The following STAB2 variants were observed in gnomAD, a reference collection of about 807,000 sequenced individuals.
The protein encoded by STAB2 is stabilin-2.
A neutral mutation model predicts 338.1 loss-of-function variants in STAB2; 288 were observed. The observed-to-expected ratio is 0.85, with a 90% confidence interval of 0.77 to 0.94. The LOEUF (loss-of-function observed/expected upper bound fraction) is 0.94. STAB2 is among the 40% of genes least tolerant of loss of function. The pLI, the probability that STAB2 is intolerant of heterozygous loss-of-function variation, is 0.00. For synonymous variants in STAB2, 1,202 were observed against 1,193.3 expected (o/e 1.01, Z -0.15); for missense variants, 3,141 against 3,210.1 (o/e 0.98, Z 0.52).
rs569505089 is a variant in STAB2 at position 103,676,100 on chromosome 12, C to T, written c.2646+79C>T. ...TTTTTGAGACAGAGTCTCGCTCTGTCGCCCAGGCTGGAGTGCAATGGCACA... is the reference window on the plus strand; with the variant it reads ...TTTTTGAGACAGAGTCTCGCTCTGTTGCCCAGGCTGGAGTGCAATGGCACA... On this transcript the variant is annotated intron_variant, in intron 24 of 68. Coordinates refer to ENST00000388887, the MANE Select transcript of STAB2 (RefSeq NM_017564.10). 1.7e-3 allele frequency: 1,766 copies of T among 1,039,226 alleles called. 2 individuals carry two copies. Among genetic ancestry groups the T allele is most frequent in the Non-Finnish European group, 2.1e-3 (1,643 of 769,994 alleles). 64.4% of individuals were successfully genotyped at this position (1,039,226 alleles called of 1,614,324 possible). A position where few individuals can be genotyped will look rare whatever the true frequency, so the allele number is the denominator to read the frequency against.
At chr12:103,735,979 G>C (rs1222352146) in intron 52 of STAB2, among the ~76,000 whole-genome samples, 1 of 152,130 alleles carries the variant, frequency 6.6e-6, no homozygotes, top group Non-Finnish European at 1.5e-5. Flanking sequence ...GTCAGGGCCA[G>C]CTCTGGGCTA....
chr12:103,748,088 T>C lies in STAB2; in HGVS notation c.6245-875T>C, dbSNP rs116797942. On this transcript the variant is annotated intron_variant, in intron 58 of 68. Transcript: ENST00000388887. ...AGTCTCAGCCACATGTACTTTCTAA[T>C]ATTTTTCATGGATAAATATTCACAG... Among the ~76,000 whole-genome samples, 1,417 of 152,112 alleles carry C rather than the reference T, an allele frequency of 9.3e-3. 21 individuals are homozygous for C. Among genetic ancestry groups the C allele is most frequent in the African/African-American group, 0.033 (1,354 of 41,474 alleles).
intron 25 of STAB2, among the ~76,000 whole-genome samples, chr12:103,681,831 G>A (rs375484805): frequency 6.6e-6 from 1 of 151,766 alleles, no homozygotes; most frequent in African/African-American, 2.4e-5. Context: ...TGCATTGGCA[G>A]GATGGTCTCG....
Position 103,692,810 on chromosome 12 carries a change from A to G in STAB2, c.3298-2A>G. 6.2e-7 allele frequency: 1 copy of G among 1,613,052 alleles called. No individual in the cohort carries two copies. The highest frequency in any genetic ancestry group is 8.5e-7 in the Non-Finnish European group (1 of 1,179,260). On this transcript the variant is annotated splice_acceptor_variant, in intron 30 of 68. Transcript: ENST00000388887. LOFTEE classifies it high-confidence loss of function. ...TCTTCCCACTGTGGTTTGCATTTAC[A>G]GAATATCACAATTGAAGGGGCCTCC...
intron 65 of STAB2, among the ~76,000 whole-genome samples, chr12:103,759,631 G>C (rs1416487057): frequency 1.3e-5 from 2 of 152,018 alleles, no homozygotes; most frequent in African/African-American, 4.8e-5. Flanking sequence ...CTAACTGTAA[G>C]GACTTAAACA....
chr12:103,711,012 AAT>A (rs1286844500), intron 39 of STAB2, among the ~76,000 whole-genome samples: 2 of 152,092 alleles, frequency 1.3e-5, no homozygotes, highest in Non-Finnish European at 2.9e-5. Flanking sequence ...CATGCAAAAA[AAT>A]CTTTTATAAT....
At chr12:103,667,653 C>A (rs1875275418) in intron 19 of STAB2, among the ~76,000 whole-genome samples, 1 of 152,120 alleles carries the variant, frequency 6.6e-6, no homozygotes, top group Non-Finnish European at 1.5e-5. Context: ...CCTGAGATTC[C>A]CAAAAGGACT....
At chr12:103,666,418 C>G in intron 19 of STAB2, 65 bp downstream of exon 19, 1 of 1,511,780 alleles carries the variant, frequency 6.6e-7, no homozygotes, top group Non-Finnish European at 9.2e-7. Flanking sequence ...GGTTTCTCAA[C>G]CTATCTACCT....
chr12:103,737,533 C>T, intron 52 of STAB2, 101 bp from the exon 53 acceptor site: 1 of 1,334,804 alleles, frequency 7.5e-7, no homozygotes. Context: ...GGCCATGTTA[C>T]ATGGCTGGGA....
In STAB2 at chr12:103,590,979, C is replaced by T. The variant is rs201489210; in HGVS notation, c.164C>T (p.Pro55Leu). ...SCALNLGVKC[P>L]DGYTMITSGS... ...GCTCTCAACCTTGGAGTCAAGTGCC[C>T]GGATGGTTACACCATGATTACCAGT... is the stretch of plus-strand genomic sequence containing the variant. Residue 55 changes from proline (P) to leucine (L), a missense_variant, in exon 2 of 69, where the codon CCG becomes CTG. By Grantham distance (98) the Pro-to-Leu change is moderately conservative (BLOSUM62 -3). Transcript: ENST00000388887. 113 of 1,613,854 alleles carry T rather than the reference C, an allele frequency of 7.0e-5. No individual in the cohort carries two copies. The South Asian group carries it at 9.8e-4, about 14-fold the overall frequency.
Position 103,728,858 on chromosome 12 carries a change from T to C in STAB2, c.4945T>C (p.Trp1649Arg), listed in dbSNP as rs1211431110. The C allele has an allele frequency of 6.2e-7, 1 of 1,613,886 alleles. No homozygotes were observed. The highest frequency in any genetic ancestry group is 2.2e-5 in the East Asian group (1 of 44,904). ...TGATCTTCTGTTACAGGTTAAAGAC[T>C]GGGACAAATACGGTTTAATGCCCCA... is the stretch of plus-strand genomic sequence containing the variant. ...AFDEEARVKD[W>R]DKYGLMPQVL... Residue 1649 changes from tryptophan (W) to arginine (R), a missense_variant, in exon 48 of 69, where the codon TGG (tryptophan) becomes CGG (arginine). Coordinates refer to ENST00000388887, the MANE Select transcript of STAB2 (RefSeq NM_017564.10).
chr12:103,641,520 T>C (rs1335630689), intron 9 of STAB2, among the ~76,000 whole-genome samples: 2 of 152,282 alleles, frequency 1.3e-5, no homozygotes, highest in African/African-American at 4.8e-5. Context: ...ACCACAGCCA[T>C]GCATATAGGC....
intron 3 of STAB2, among the ~76,000 whole-genome samples, chr12:103,602,118 C>A (rs1956962961): frequency 6.6e-6 from 1 of 152,158 alleles, no homozygotes; most frequent in Non-Finnish European, 1.5e-5. Context: ...TGTTGTCAAG[C>A]CCTCCTTCAA....
intron 18 of STAB2, among the ~76,000 whole-genome samples, chr12:103,665,615 A>T (rs1252038303): frequency 6.6e-6 from 1 of 152,116 alleles, no homozygotes; most frequent in Non-Finnish European, 1.5e-5. Context: ...GGGAGCAGGG[A>T]TGAAATCCTT....
intron 15 of STAB2, 22 bp from the exon 16 acceptor site, chr12:103,660,309 G>T (rs1446707538): frequency 2.5e-6 from 4 of 1,613,058 alleles, no homozygotes; most frequent in Non-Finnish European, 3.4e-6. Context: ...TTTGACTAAA[G>T]AAGTATTTGG....
chr12:103,612,141 G>A (rs1957134117), intron 3 of STAB2, among the ~76,000 whole-genome samples: 1 of 152,064 alleles, frequency 6.6e-6, no homozygotes, highest in African/African-American at 2.4e-5. Flanking sequence ...TTCAACTTTG[G>A]TGAATCTGAC....
At chr12:103,619,436 T>C (rs1957262711) in intron 3 of STAB2, among the ~76,000 whole-genome samples, 1 of 152,138 alleles carries the variant, frequency 6.6e-6, no homozygotes, top group African/African-American at 2.4e-5. Context: ...ACCTTAAACT[T>C]CTGTCACTTG....
intron 61 of STAB2, 123 bp downstream of exon 61, chr12:103,753,476 G>A (rs1005258498): frequency 1.5e-5 from 20 of 1,326,820 alleles, no homozygotes; most frequent in Non-Finnish European, 2.0e-5. Flanking sequence ...GTAGCTCCTG[G>A]AACAATGCTA....
intron 42 of STAB2, among the ~76,000 whole-genome samples, chr12:103,714,252 C>T (rs1216547885): frequency 6.6e-6 from 1 of 152,140 alleles, no homozygotes; most frequent in Non-Finnish European, 1.5e-5. Flanking sequence ...ATACCTCTAA[C>T]ATTATTTAAA....
Sources: allele counts gnomAD v4.1 joint callset (sites outside exome capture counted in the v4.1 genomes callset), GRCh38; gene constraint gnomAD v4.1.1; transcripts MANE v1.5; gene names NCBI Gene and HGNC (gene_info 2026-07-23, HGNC 2026-07-21).